The following UMAD1 variants were observed in gnomAD, a reference collection of about 807,000 sequenced individuals.
UMAD1 encodes UBAP1-MVB12-associated (UMA)-domain containing protein 1.
A neutral mutation model predicts 6.1 loss-of-function variants in UMAD1; 8 were observed. That is an observed-to-expected ratio of 1.30 (90% CI 0.76 to 2.35). The LOEUF (loss-of-function observed/expected upper bound fraction) is 2.35. UMAD1 is among the 30% of genes most tolerant of loss of function. The pLI is 0.00. For synonymous variants in UMAD1, 56 were observed against 31.4 expected (o/e 1.78, Z -2.61); for missense variants, 130 against 78.4 (o/e 1.66, Z -2.49).
chr7:7,871,402 T>C (rs770281307), intron 3 of UMAD1, among the ~76,000 whole-genome samples: 2 of 152,246 alleles, frequency 1.3e-5, no homozygotes, highest in Non-Finnish European at 2.9e-5. Context: ...GTCATTGGGT[T>C]TGATTATCAG....
At chr7:7,758,012 T>C (rs531945108) in intron 2 of UMAD1, among the ~76,000 whole-genome samples, 52 of 152,132 alleles carry the variant, frequency 3.4e-4, no homozygotes, top group Admixed American at 1.9e-3. Context: ...GGGATGTGGT[T>C]TATTTAAGAT....
chr7:7,797,705 T>C (rs1782715831), intron 2 of UMAD1, among the ~76,000 whole-genome samples: 1 of 152,064 alleles, frequency 6.6e-6, no homozygotes, highest in Admixed American at 6.6e-5. Flanking sequence ...TTTTTTTTTT[T>C]TGAGACGAGG....
chr7:7,657,887 G>A (rs9692400), intron 1 of UMAD1, among the ~76,000 whole-genome samples: 31,088 of 152,022 alleles, frequency 0.2, 3,692 homozygotes, highest in Middle Eastern at 0.37. Flanking sequence ...CATTGAATCT[G>A]TAAATTACTT....
chr7:7,877,171 A>G (rs1233671332), intron 3 of UMAD1, 110 bp from the exon 4 acceptor site: 3 of 616,080 alleles, frequency 4.9e-6, no homozygotes, highest in African/African-American at 3.7e-5. Flanking sequence ...ATCTGGGAAT[A>G]TTTATATAGC....
intron 1 of UMAD1, among the ~76,000 whole-genome samples, chr7:7,650,426 A>G (rs975302912): frequency 3.3e-5 from 5 of 152,202 alleles, no homozygotes; most frequent in African/African-American, 4.8e-5. Context: ...TTCCAAAACT[A>G]ATGTAATGAT....
intron 2 of UMAD1, chr7:7,742,637 C>T (rs1461433931): frequency 2.9e-6 from 1 of 343,894 alleles, no homozygotes; most frequent in Non-Finnish European, 5.7e-6. Flanking sequence ...CGAAAAGAAC[C>T]ATAATTTTCA....
chr7:7,684,500 C>G (rs146003541), intron 2 of UMAD1, among the ~76,000 whole-genome samples: 1 of 152,126 alleles, frequency 6.6e-6, no homozygotes, highest in African/African-American at 2.4e-5. Flanking sequence ...TGAGCCACCA[C>G]GCTTGGCAAC....
In UMAD1 at chr7:7,685,434, C is replaced by T. The variant is rs193121099; in HGVS notation, c.82+11981C>T. Among the ~76,000 whole-genome samples, 803 of 151,872 alleles carry T rather than the reference C, an allele frequency of 5.3e-3. 2 individuals are homozygous for T. Among genetic ancestry groups the T allele is most frequent in the Admixed American group, 7.5e-3 (114 of 15,248 alleles). ...AAGCGATTCTCCTGCCTCAGCCTTC[C>T]GAGTAGCTGGGACTACAGGTGTGCG... On this transcript the variant is annotated intron_variant, in intron 2 of 3. Transcript: ENST00000682710.
intron 2 of UMAD1, among the ~76,000 whole-genome samples, chr7:7,794,873 C>T (rs552573883): frequency 4.7e-4 from 71 of 152,216 alleles, no homozygotes; most frequent in Non-Finnish European, 9.0e-4. Context: ...TGAAGAGAGA[C>T]GCTTAGGATA....
At chr7:7,875,253 C>T (rs1365285783) in intron 3 of UMAD1, among the ~76,000 whole-genome samples, 3 of 152,040 alleles carry the variant, frequency 2.0e-5, no homozygotes, top group Non-Finnish European at 2.9e-5. Context: ...GATCTAAAAT[C>T]GACATCTAAC....
At chr7:7,716,668 C>T (rs752590287) in intron 2 of UMAD1, among the ~76,000 whole-genome samples, 4 of 152,178 alleles carry the variant, frequency 2.6e-5, no homozygotes, top group Admixed American at 6.5e-5. Flanking sequence ...CCGGCGCGGC[C>T]GGCGCGGTGG....
chr7:7,810,658 TG>T (rs1462489420), intron 3 of UMAD1, among the ~76,000 whole-genome samples: 1 of 152,192 alleles, frequency 6.6e-6, no homozygotes, highest in East Asian at 1.9e-4. Flanking sequence ...TTCTTTCCAG[TG>T]TTCTGATCTT....
chr7:7,746,193 G>T (rs115027015), intron 2 of UMAD1, among the ~76,000 whole-genome samples: 250 of 152,324 alleles, frequency 1.6e-3, no homozygotes, highest in African/African-American at 5.8e-3. Flanking sequence ...GGTGCACTGT[G>T]TGTGGAGCTG....
At chr7:7,699,067 C>T (rs1487134037) in intron 2 of UMAD1, among the ~76,000 whole-genome samples, 5 of 150,730 alleles carry the variant, frequency 3.3e-5, no homozygotes, top group Admixed American at 2.6e-4. Context: ...GGGTAGATAC[C>T]AGGTTTGCTA....
At chr7:7,812,372 G>A (rs1458375999) in intron 3 of UMAD1, among the ~76,000 whole-genome samples, 1 of 152,148 alleles carries the variant, frequency 6.6e-6, no homozygotes, top group Non-Finnish European at 1.5e-5. Context: ...ACCTCTGCTG[G>A]ATGAAGTTAG....
intron 3 of UMAD1, among the ~76,000 whole-genome samples, chr7:7,841,139 C>T (rs950017199): frequency 6.6e-5 from 10 of 152,110 alleles, no homozygotes; most frequent in Admixed American, 1.3e-4. Context: ...CAAATTACTT[C>T]GTGTGCATGT....
intron 2 of UMAD1, among the ~76,000 whole-genome samples, chr7:7,774,238 G>A (rs537706581): frequency 6.6e-6 from 1 of 152,318 alleles, no homozygotes; most frequent in South Asian, 2.1e-4. Flanking sequence ...AGCAGAGTGT[G>A]GGGTGGATTA....
At chr7:7,872,327 CAT>C (rs1784346567) in intron 3 of UMAD1, among the ~76,000 whole-genome samples, 2 of 152,216 alleles carry the variant, frequency 1.3e-5, no homozygotes, top group Admixed American at 1.3e-4. Context: ...AACAAATGTA[CAT>C]GTCTTAATTA....
chr7:7,669,375 C>G (rs193276262), intron 1 of UMAD1, among the ~76,000 whole-genome samples: 1 of 152,264 alleles, frequency 6.6e-6, no homozygotes, highest in East Asian at 1.9e-4. Flanking sequence ...TCTTGCTGTA[C>G]CCCTCATAGA....
Sources: allele counts gnomAD v4.1 joint callset (sites outside exome capture counted in the v4.1 genomes callset), GRCh38; gene constraint gnomAD v4.1.1; transcripts MANE v1.5; gene names NCBI Gene and HGNC (gene_info 2026-07-23, HGNC 2026-07-21).